RTKN2: variants seen among roughly 807,000 people sequenced by gnomAD.
RTKN2 encodes the protein rhotekin 2.
In RTKN2, 69 loss-of-function variants were observed where a neutral mutation model predicts 71.5. The ratio of observed to expected loss-of-function variants is 0.96; its 90% CI spans 0.79 to 1.18. The LOEUF is 1.18. Ranked by LOEUF, RTKN2 falls within the 50% of genes most tolerant of loss-of-function variation. The pLI, the probability that RTKN2 is intolerant of heterozygous loss-of-function variation, is 0.00. For synonymous variants in RTKN2, 236 were observed against 236.5 expected, an observed-to-expected ratio of 1.00 and a Z score of 0.02; for missense variants, 724 against 719.7, an observed-to-expected ratio of 1.01 and a Z score of -0.07.
downstream of RTKN2, among the ~76,000 whole-genome samples, chr10:62,188,399 C>T (rs1294125469): frequency 1.3e-5 from 2 of 152,142 alleles, no homozygotes; most frequent in African/African-American, 4.8e-5. Flanking sequence ...TATGACCTAG[C>T]CTCATGTGTC....
At chr10:62,260,766 ATATT>A (rs1849960522) in intron 2 of RTKN2, among the ~76,000 whole-genome samples, 1 of 152,234 alleles carries the variant, frequency 6.6e-6, no homozygotes, top group African/African-American at 2.4e-5. Context: ...CTCATTATAA[ATATT>A]TAAAGAGCAT....
At chr10:62,261,249 GCATTA>G (rs536310540) in intron 2 of RTKN2, among the ~76,000 whole-genome samples, 114 of 152,300 alleles carry the variant, frequency 7.5e-4, no homozygotes, top group Non-Finnish European at 1.1e-3. Flanking sequence ...TATGTAAAAG[GCATTA>G]CATTAGGTTT....
At chr10:62,261,359 C>T (rs1305606051) in intron 2 of RTKN2, among the ~76,000 whole-genome samples, 4 of 152,144 alleles carry the variant, frequency 2.6e-5, no homozygotes, top group Admixed American at 2.0e-4. Flanking sequence ...ATAGCTATCC[C>T]GGCAGGGCAC....
chr10:62,223,568 A>T (rs2132922404), intron 6 of RTKN2, among the ~76,000 whole-genome samples: 1 of 152,320 alleles, frequency 6.6e-6, no homozygotes, highest in African/African-American at 2.4e-5. Context: ...ACAAAACATA[A>T]AAAGATGCTC....
chr10:62,193,629 G>GT lies in RTKN2; in HGVS notation c.*4278_*4279insA. On this transcript the variant is annotated 3_prime_UTR_variant, in exon 12 of 12. Coordinates refer to ENST00000373789, the MANE Select transcript of RTKN2 (RefSeq NM_145307.4). ...ATTGCTCATTTCTCTCCCCCACTCT[G>GT]AGGCGCTCTGCAGGAATAAAGTACT... 4 of 985,312 alleles carry GT rather than the reference G, an allele frequency of 4.1e-6. No homozygotes were observed. The highest frequency in any genetic ancestry group is 4.8e-6 in the Non-Finnish European group (4 of 829,876). 61.0% of individuals were successfully genotyped at this position (985,312 alleles called of 1,614,324 possible).
intron 9 of RTKN2, among the ~76,000 whole-genome samples, chr10:62,206,312 T>G (rs1259281040): frequency 6.6e-6 from 1 of 152,136 alleles, no homozygotes; most frequent in African/African-American, 2.4e-5. Flanking sequence ...AATTCTTCAC[T>G]GAGTAAAGTG....
At chr10:62,232,235 A>C (rs1842163768) in intron 6 of RTKN2, among the ~76,000 whole-genome samples, 2 of 152,176 alleles carry the variant, frequency 1.3e-5, no homozygotes, top group Non-Finnish European at 2.9e-5. Context: ...ATTAAAAAGA[A>C]CTTAATGCAC....
chr10:62,209,552 C>T (rs7099161), intron 9 of RTKN2, among the ~76,000 whole-genome samples: 122,190 of 152,028 alleles, frequency 0.8, 49,552 homozygotes, highest in East Asian at 0.9. Context: ...GTAAAGATTA[C>T]TTAATCACCC....
chr10:62,211,738 G>A (rs1841662773), intron 9 of RTKN2, among the ~76,000 whole-genome samples: 1 of 148,704 alleles, frequency 6.7e-6, no homozygotes, highest in Non-Finnish European at 1.5e-5. Flanking sequence ...TCGGCTCACT[G>A]CAACCTCCAC....
intron 2 of RTKN2, among the ~76,000 whole-genome samples, chr10:62,249,128 A>G (rs1038463838): frequency 1.1e-4 from 16 of 152,150 alleles, no homozygotes; most frequent in South Asian, 4.1e-4. Context: ...TTCACTTCCA[A>G]CCTATACGTT....
At chr10:62,258,646 A>G (rs1342174959) in intron 2 of RTKN2, among the ~76,000 whole-genome samples, 2 of 152,230 alleles carry the variant, frequency 1.3e-5, no homozygotes, top group Non-Finnish European at 2.9e-5. Context: ...ATGATAAAAC[A>G]TAACAGGATA....
intron 1 of RTKN2, among the ~76,000 whole-genome samples, chr10:62,267,726 C>A (rs1225539262): frequency 1.3e-5 from 2 of 152,086 alleles, no homozygotes; most frequent in Non-Finnish European, 2.9e-5. Context: ...TTTTGACCTA[C>A]AAAACTGGCA....
In RTKN2 at chr10:62,268,760, A is replaced by G; in HGVS notation, c.-150T>C. 2 of 781,382 alleles carry G rather than the reference A, an allele frequency of 2.6e-6. No individual in the cohort carries two copies. Among genetic ancestry groups the G allele is most frequent in the Admixed American group, 6.1e-5 (2 of 32,944 alleles). 48.4% of individuals were successfully genotyped at this position (781,382 alleles called of 1,614,324 possible). A position where few individuals can be genotyped will look rare whatever the true frequency, so the allele number is the denominator to read the frequency against. On this transcript the variant is annotated 5_prime_UTR_variant, in exon 1 of 12. Coordinates refer to ENST00000373789, the MANE Select transcript of RTKN2 (RefSeq NM_145307.4). ...GGGGGCGCAGGAGGAGCCGGGCCGAAGCGCACGCGCAGTGGGCGCGCCTTG... is the reference window on the plus strand; with the variant it reads ...GGGGGCGCAGGAGGAGCCGGGCCGAGGCGCACGCGCAGTGGGCGCGCCTTG...
intron 9 of RTKN2, among the ~76,000 whole-genome samples, chr10:62,209,089 G>A (rs1031166364): frequency 2.6e-5 from 4 of 152,098 alleles, no homozygotes; most frequent in African/African-American, 9.7e-5. Flanking sequence ...AACCAACGCG[G>A]AGAAACCCAT....
intron 11 of RTKN2, 29 bp downstream of exon 11, chr10:62,199,725 G>T: frequency 7.5e-7 from 1 of 1,340,200 alleles, no homozygotes; most frequent in Non-Finnish European, 1.1e-6. Flanking sequence ...TTGTTATCCT[G>T]CAGCTTAGAA....
intron 10 of RTKN2, among the ~76,000 whole-genome samples, chr10:62,201,604 T>C (rs184582949): frequency 6.6e-6 from 1 of 152,208 alleles, no homozygotes; most frequent in East Asian, 1.9e-4. Flanking sequence ...GGAAAAATAA[T>C]GAAACACTTC....
intron 7 of RTKN2, among the ~76,000 whole-genome samples, chr10:62,220,316 G>A (rs1033323859): frequency 1.3e-5 from 2 of 152,024 alleles, no homozygotes; most frequent in African/African-American, 2.4e-5. Context: ...ATAAATGCAC[G>A]AGCATAATAC....
At position 62,193,840 on chromosome 10, in the gene RTKN2, A is replaced by T; in HGVS notation, c.*4068T>A. The stretch of plus-strand genomic sequence containing the variant: ...AAGGATTATATGTAAACATTTTAAT[A>T]ATGTTAATTATACCATGGCTTATCA... On this transcript the variant is annotated 3_prime_UTR_variant, in exon 12 of 12. Coordinates refer to ENST00000373789, the MANE Select transcript of RTKN2 (RefSeq NM_145307.4). 1.0e-6 allele frequency: 1 copy of T among 975,446 alleles called. No homozygotes were observed. Among genetic ancestry groups the T allele is most frequent in the Non-Finnish European group, 1.2e-6 (1 of 820,878 alleles). 60.4% of individuals were successfully genotyped at this position (975,446 alleles called of 1,614,324 possible). A position where few individuals can be genotyped will look rare whatever the true frequency, so the allele number is the denominator to read the frequency against.
intron 2 of RTKN2, 147 bp downstream of exon 2, chr10:62,262,478 T>C: frequency 1.9e-6 from 1 of 537,070 alleles, no homozygotes; most frequent in Non-Finnish European, 3.2e-6. Flanking sequence ...GTCGGCAAAC[T>C]GTTTATGATG....
Sources: allele counts gnomAD v4.1 joint callset (sites outside exome capture counted in the v4.1 genomes callset), GRCh38; gene constraint gnomAD v4.1.1; transcripts MANE v1.5; gene names NCBI Gene and HGNC (gene_info 2026-07-23, HGNC 2026-07-21).